Variants in CELF6 observed in about 807,000 individuals in gnomAD.
The protein encoded by CELF6 is Bruno -like 6, RNA binding protein.
CELF6 carries 32 observed loss-of-function variants against 53.1 expected under a neutral mutation model. The observed-to-expected ratio is 0.60, with a 90% confidence interval of 0.46 to 0.81. CELF6 has a LOEUF of 0.81. CELF6 is among the 30% of genes least tolerant of loss of function. The pLI, the probability that CELF6 is intolerant of heterozygous loss-of-function variation, is 0.00. For missense variants in CELF6, 539 were observed against 669.5 expected (o/e 0.81, Z 2.15); for synonymous variants, 291 against 288.8 (o/e 1.01, Z -0.08).
intron 2 of CELF6, chr15:72,306,320 A>AT: frequency 4.1e-6 from 4 of 985,120 alleles, no homozygotes; most frequent in Non-Finnish European, 4.8e-6. Context: ...ACTGATGCCC[A>AT]TCTGGCCTGA....
At chr15:72,286,624 G>GA (rs2087926001) in intron 12 of CELF6, among the ~76,000 whole-genome samples, 1 of 152,210 alleles carries the variant, frequency 6.6e-6, no homozygotes, top group Non-Finnish European at 1.5e-5. Context: ...TTCTGAGACA[G>GA]AAAATCTCTA....
intron 2 of CELF6, chr15:72,306,134 A>T (rs2088227186): frequency 1.0e-6 from 1 of 983,538 alleles, no homozygotes; most frequent in Non-Finnish European, 1.2e-6. Context: ...TTGAATCCCC[A>T]TCTCACCTTC....
chr15:72,313,647 C>A (rs1190815495), intron 2 of CELF6: 4 of 457,206 alleles, frequency 8.7e-6, no homozygotes, highest in Non-Finnish European at 1.2e-5. Flanking sequence ...ACAGTGCCAG[C>A]CGCATTTCAC....
chr15:72,304,403 C>T (rs1466136044), intron 3 of CELF6, among the ~76,000 whole-genome samples: 1 of 152,184 alleles, frequency 6.6e-6, no homozygotes, highest in Admixed American at 6.5e-5. Flanking sequence ...TAACCCCCAC[C>T]TGATTCTTAA....
chr15:72,309,587 C>T (rs569610231), intron 2 of CELF6, among the ~76,000 whole-genome samples: 1 of 152,230 alleles, frequency 6.6e-6, no homozygotes, highest in South Asian at 2.1e-4. Context: ...GGCTCTGAGC[C>T]TTCAGTCCCC....
Position 72,289,168 on chromosome 15 carries a change from G to C in CELF6, c.1000C>G (p.Leu334Val). Residue 334 changes from leucine (L) to valine (V), a missense_variant, in exon 8 of 13, where the codon CTC (leucine) becomes GTC (valine). By Grantham distance (32) the Leu-to-Val change is conservative. Around this residue, in one of 3 missense-constraint regions of CELF6, gnomAD observed 358 missense variants for 412.8 expected, o/e 0.87. Coordinates refer to ENST00000287202, the MANE Select transcript of CELF6 (RefSeq NM_052840.5). This position sits in a 1 kb window ranked among gnomAD's most constrained non-coding sequence, Gnocchi z 7.6. ...TAAGGGGAGAGCCCGTTATTGTAGA[G>C]CGTGTCGGAGCCCGGCTGGCCATTG... is the stretch of plus-strand genomic sequence containing the variant. The part of the protein sequence containing the change: ...QTNGQPGSDT[L>V]YNNGLSPYPA... 6.4e-7 allele frequency: 1 copy of C among 1,556,240 alleles called. No homozygotes were observed. Among genetic ancestry groups the C allele is most frequent in the Non-Finnish European group, 8.6e-7 (1 of 1,161,294 alleles).
chr15:72,318,747 T>C (rs1239519593), intron 1 of CELF6, among the ~76,000 whole-genome samples: 1 of 151,856 alleles, frequency 6.6e-6, no homozygotes, highest in African/African-American at 2.4e-5. Context: ...GGGACCAGCC[T>C]GTGAGGGGAG....
chr15:72,308,295 C>G (rs2088255686), intron 2 of CELF6, among the ~76,000 whole-genome samples: 1 of 152,134 alleles, frequency 6.6e-6, no homozygotes, highest in Admixed American at 6.5e-5. Flanking sequence ...ATGGCGTAAT[C>G]TCGCCTCACC....
chr15:72,316,405 GC>G (rs1327723160), intron 1 of CELF6, among the ~76,000 whole-genome samples: 1 of 152,150 alleles, frequency 6.6e-6, no homozygotes, highest in East Asian at 1.9e-4. Flanking sequence ...AACCCCAGGA[GC>G]CCCCAGCTCT....
Position 72,288,700 on chromosome 15 carries a change from C to T in CELF6, c.1094-82G>A. Reference sequence around the variant, plus strand: ...CCCCAACTGCCTGGCCGCTTTTGACCAATTCAGCCCAGTCCACCATAACCC... The same window carrying T: ...CCCCAACTGCCTGGCCGCTTTTGACTAATTCAGCCCAGTCCACCATAACCC... On this transcript the variant is annotated intron_variant, in intron 9 of 12. Coordinates refer to ENST00000287202, the MANE Select transcript of CELF6 (RefSeq NM_052840.5). This position sits in a 1 kb window ranked among gnomAD's most constrained non-coding sequence, Gnocchi z 4.6. 7 of 1,419,038 alleles carry T rather than the reference C, an allele frequency of 4.9e-6. No homozygotes were observed. Among genetic ancestry groups the T allele is most frequent in the Admixed American group, 2.0e-5 (1 of 49,630 alleles). 87.9% of individuals were successfully genotyped at this position (1,419,038 alleles called of 1,614,324 possible).
intron 3 of CELF6, among the ~76,000 whole-genome samples, chr15:72,290,529 C>A (rs2087991627): frequency 6.6e-6 from 1 of 152,148 alleles, no homozygotes; most frequent in Admixed American, 6.5e-5. Context: ...GTAATGCAGT[C>A]TTGATATCTC....
In CELF6 at chr15:72,319,135, TGGCCGGACTAGGA is replaced by T. The variant is rs1255080606; in HGVS notation, c.262+465_262+477del. Among the ~76,000 whole-genome samples, 1 of 151,944 alleles carries T rather than the reference TGGCCGGACTAGGA, an allele frequency of 6.6e-6. No homozygotes were observed. Among genetic ancestry groups the T allele is most frequent in the African/African-American group, 2.4e-5 (1 of 41,346 alleles). ...GTCAAAAGAAGGCTCTTGAGGGGGATGGCCGGACTAGGAGGCCAGAGGAGGGGTGCAAGTCCAA... is the reference window on the plus strand; with the variant it reads ...GTCAAAAGAAGGCTCTTGAGGGGGATGGCCAGAGGAGGGGTGCAAGTCCAA... On this transcript the variant is annotated intron_variant, in intron 1 of 12. Transcript: ENST00000287202. This position sits in a 1 kb window ranked among gnomAD's most constrained non-coding sequence, Gnocchi z 5.0.
Position 72,319,967 on chromosome 15 carries a change from G to A in CELF6, c.-93C>T. On this transcript the variant is annotated 5_prime_UTR_variant, in exon 1 of 13. Transcript: ENST00000287202. The surrounding 1 kb of genome is among the most constrained non-coding windows in gnomAD (Gnocchi z 5.0). ...CCGGTGGCGAGGGCCAGGGGGAGGG[G>A]GCGGAGCCCGGGCGGAGAGGGCGGG... 2 of 1,357,456 alleles carry A rather than the reference G, an allele frequency of 1.5e-6. No homozygotes were observed. The highest frequency in any genetic ancestry group is 1.9e-6 in the Non-Finnish European group (2 of 1,056,086). 84.1% of individuals were successfully genotyped at this position (1,357,456 alleles called of 1,614,324 possible).
At chr15:72,313,493 C>T (rs1257734522) in intron 2 of CELF6, among the ~76,000 whole-genome samples, 1 of 152,110 alleles carries the variant, frequency 6.6e-6, no homozygotes, top group Non-Finnish European at 1.5e-5. Context: ...GATTTTTTTC[C>T]TCCCAAAGTT....
chr15:72,292,498 G>T (rs887580045), intron 3 of CELF6, among the ~76,000 whole-genome samples: 1 of 152,216 alleles, frequency 6.6e-6, no homozygotes, highest in Admixed American at 6.5e-5. Context: ...CTGTGTCATT[G>T]GGCAGGGTCT....
chr15:72,289,860 G>A lies in CELF6; in HGVS notation c.603+79C>T. ...CCTTTCCCATCAGGTCCTTTCGCGG[G>A]GCACCGAGCACACTCGGGGAGGAGA... On this transcript the variant is annotated intron_variant, in intron 5 of 12. Coordinates refer to ENST00000287202, the MANE Select transcript of CELF6 (RefSeq NM_052840.5). This position sits in a 1 kb window ranked among gnomAD's most constrained non-coding sequence, Gnocchi z 7.6. 3 of 1,505,528 alleles carry A rather than the reference G, an allele frequency of 2.0e-6. No individual in the cohort carries two copies. The highest frequency in any genetic ancestry group is 2.7e-6 in the Non-Finnish European group (3 of 1,129,526). 93.3% of individuals were successfully genotyped at this position (1,505,528 alleles called of 1,614,324 possible). A position where few individuals can be genotyped will look rare whatever the true frequency, so the allele number is the denominator to read the frequency against.
In CELF6 at chr15:72,319,085, G is replaced by C. The variant is rs757653968; in HGVS notation, c.262+528C>G. The stretch of plus-strand genomic sequence containing the variant: ...GAAGAAGGGGAGGGTTTGGGTCTGC[G>C]GTGTTTTAGGTTGGCAGTCTGAGAG... On this transcript the variant is annotated intron_variant, in intron 1 of 12. Transcript: ENST00000287202. The surrounding 1 kb of genome is among the most constrained non-coding windows in gnomAD (Gnocchi z 5.0). Among the ~76,000 whole-genome samples, 3 of 152,058 alleles carry C rather than the reference G, an allele frequency of 2.0e-5. No individual in the cohort carries two copies. Among genetic ancestry groups the C allele is most frequent in the African/African-American group, 4.8e-5 (2 of 41,378 alleles).
At chr15:72,311,552 G>A (rs2088296908) in intron 2 of CELF6, among the ~76,000 whole-genome samples, 1 of 150,418 alleles carries the variant, frequency 6.6e-6, no homozygotes, top group Admixed American at 6.6e-5. Flanking sequence ...ACAGGCGCTC[G>A]CCATCACGCC....
intron 3 of CELF6, among the ~76,000 whole-genome samples, chr15:72,296,268 T>C (rs1032534032): frequency 2.6e-5 from 4 of 152,224 alleles, no homozygotes; most frequent in Non-Finnish European, 4.4e-5. Context: ...AAACAATAGA[T>C]GTCTTAGAAA....
Sources: gnomAD v4.1 joint callset for allele counts (sites outside exome capture counted in the v4.1 genomes callset) on GRCh38, gnomAD v4.1.1 for gene constraint, gnomAD v4.1.1 regional missense constraint, Gnocchi (gnomAD v3.1) non-coding constraint, MANE v1.5 for transcripts, NCBI Gene and HGNC (gene_info 2026-07-23, HGNC 2026-07-21) for gene names.